The following TBC1D32 variants were observed in gnomAD, a reference collection of about 807,000 sequenced individuals.
The protein encoded by TBC1D32 is protein broad-minded.
TBC1D32 carries 151 observed loss-of-function variants against 170.3 expected under a neutral mutation model. The observed-to-expected ratio is 0.89, with a 90% CI of 0.78 to 1.01. TBC1D32 has a LOEUF of 1.01. Among genes scored for constraint, TBC1D32 ranks in the 50% least tolerant of loss-of-function variants. TBC1D32 has a pLI of 0.00. For synonymous variants in TBC1D32, 498 were observed against 488.0 expected (o/e 1.02, Z -0.27); for missense variants, 1,464 against 1,457.1 (o/e 1.00, Z -0.08).
At chr6:121,201,543 C>A (rs1791562020) in intron 22 of TBC1D32, among the ~76,000 whole-genome samples, 1 of 151,346 alleles carries the variant, frequency 6.6e-6, no homozygotes, top group Admixed American at 6.6e-5. Flanking sequence ...ACAATGTTTT[C>A]TCTTTACCTT....
In TBC1D32 at chr6:121,281,524, C is replaced by T. The variant is rs754943194; in HGVS notation, c.1608+20G>A. 5.7e-6 allele frequency: 9 copies of T among 1,592,164 alleles called. No homozygotes were observed. In the African/African-American group the frequency reaches 9.5e-5, roughly 17 times the overall value. On this transcript the variant is annotated intron_variant, in intron 14 of 31. Transcript: ENST00000398212. ...TACCCAGGTAAGAGACTCTTTTTCT[C>T]CTTAGTAAATAATACGAACCTCATT... is the stretch of plus-strand genomic sequence containing the variant.
intron 23 of TBC1D32, among the ~76,000 whole-genome samples, chr6:121,160,448 C>T (rs1583024200): frequency 6.8e-6 from 1 of 147,834 alleles, no homozygotes; most frequent in South Asian, 2.1e-4. Flanking sequence ...AACTTTTTCT[C>T]GTGCTGTCAG....
rs1794717699 is a variant in TBC1D32 at position 121,223,275 on chromosome 6, T to C, written c.2442A>G (p.Lys814=). Residue 814 remains lysine, a synonymous_variant, in exon 21 of 32, where the codon AAA becomes AAG. Coordinates refer to ENST00000398212, the MANE Select transcript of TBC1D32 (RefSeq NM_152730.6). Reference sequence around the variant, plus strand: ...GGACTTCACGAAGAGAATATTCTGTTTTATTAGGAAGATCTTGATTCCTTA... The same window carrying C: ...GGACTTCACGAAGAGAATATTCTGTCTTATTAGGAAGATCTTGATTCCTTA... ...ELVRNQDLPN[K]TEYSLREVPT... The C allele has an allele frequency of 6.3e-7, 1 of 1,591,056 alleles. No individual in the cohort carries two copies. The highest frequency in any genetic ancestry group is 1.4e-5 in the African/African-American group (1 of 73,334).
At chr6:121,275,022 T>G (rs896496118) in intron 15 of TBC1D32, among the ~76,000 whole-genome samples, 5 of 152,064 alleles carry the variant, frequency 3.3e-5, no homozygotes, top group African/African-American at 1.2e-4. Context: ...AATAGAAAAG[T>G]AACAAAAGAA....
chr6:121,161,706 T>C (rs1328726280), intron 22 of TBC1D32, among the ~76,000 whole-genome samples: 1 of 152,216 alleles, frequency 6.6e-6, no homozygotes, highest in Non-Finnish European at 1.5e-5. Context: ...TACCCAGTAA[T>C]GGGATTGCTG....
At chr6:121,242,710 T>C (rs1797136184) in intron 17 of TBC1D32, among the ~76,000 whole-genome samples, 2 of 152,100 alleles carry the variant, frequency 1.3e-5, no homozygotes, top group Non-Finnish European at 2.9e-5. Context: ...TGTACTTTCT[T>C]TTCATTATAA....
At chr6:121,224,401 A>C (rs1442006010) in intron 20 of TBC1D32, 5 of 152,094 alleles carry the variant, frequency 3.3e-5, no homozygotes, top group African/African-American at 1.2e-4. Context: ...TTTTCTAAAA[A>C]TTTTCACTAG....
intron 14 of TBC1D32, among the ~76,000 whole-genome samples, chr6:121,280,338 G>A (rs1188236103): frequency 1.3e-5 from 2 of 151,648 alleles, no homozygotes; most frequent in Non-Finnish European, 3.0e-5. Flanking sequence ...CAATAAACAC[G>A]TATTATTCAC....
chr6:121,142,617 C>G (rs1036408322), intron 24 of TBC1D32, among the ~76,000 whole-genome samples: 5 of 152,132 alleles, frequency 3.3e-5, no homozygotes, highest in African/African-American at 1.2e-4. Flanking sequence ...AACATCTCAT[C>G]TTCTTGAGAT....
At chr6:121,327,034 T>C (rs1013156842) in intron 1 of TBC1D32, among the ~76,000 whole-genome samples, 2 of 152,118 alleles carry the variant, frequency 1.3e-5, no homozygotes, top group African/African-American at 4.8e-5. Context: ...CCCCATAAAA[T>C]ACTAAATGAA....
chr6:121,312,335 A>G (rs1208813813), intron 3 of TBC1D32, among the ~76,000 whole-genome samples: 4 of 152,224 alleles, frequency 2.6e-5, no homozygotes, highest in Admixed American at 6.5e-5. Flanking sequence ...CATTCTGCAC[A>G]TGTATCCCAG....
chr6:121,321,841 A>T, intron 1 of TBC1D32, 47 bp from the exon 2 acceptor site: 1 of 1,493,862 alleles, frequency 6.7e-7, no homozygotes, highest in African/African-American at 1.4e-5. Flanking sequence ...TCATAAGCAT[A>T]TTCAGAAAAA....
At chr6:121,300,211 A>C (rs972843670) in intron 9 of TBC1D32, among the ~76,000 whole-genome samples, 33 of 152,116 alleles carry the variant, frequency 2.2e-4, no homozygotes, top group Admixed American at 1.7e-3. Context: ...TGAGAGGATG[A>C]GGCGGGCAAA....
At chr6:121,250,196 A>C (rs931706849) in intron 17 of TBC1D32, among the ~76,000 whole-genome samples, 2 of 152,154 alleles carry the variant, frequency 1.3e-5, no homozygotes, top group African/African-American at 4.8e-5. Flanking sequence ...GCAATATTCC[A>C]AACAATAGAA....
chr6:121,241,785 AATTT>A (rs1294019645), intron 18 of TBC1D32, among the ~76,000 whole-genome samples: 2 of 152,168 alleles, frequency 1.3e-5, no homozygotes, highest in Non-Finnish European at 2.9e-5. Flanking sequence ...TTATATTGTA[AATTT>A]ATTTAATAGT....
intron 22 of TBC1D32, among the ~76,000 whole-genome samples, chr6:121,179,199 TACAC>T (rs1440166149): frequency 6.6e-6 from 1 of 151,548 alleles, no homozygotes; most frequent in African/African-American, 2.4e-5. Context: ...TACATATATA[TACAC>T]ACACACACTA....
chr6:121,123,418 T>A (rs1780484729), intron 26 of TBC1D32, among the ~76,000 whole-genome samples: 2 of 152,050 alleles, frequency 1.3e-5, no homozygotes, highest in African/African-American at 2.4e-5. Flanking sequence ...GGTGCTCCAG[T>A]GTTAGGTGCA....
intron 22 of TBC1D32, chr6:121,170,608 A>G (rs1786840320): frequency 6.2e-6 from 6 of 969,554 alleles, no homozygotes; most frequent in Non-Finnish European, 8.4e-6. Flanking sequence ...TCTCAAAGTA[A>G]TACCTGTACA....
At chr6:121,302,049 T>C (rs1563312261) in intron 9 of TBC1D32, among the ~76,000 whole-genome samples, 1 of 152,208 alleles carries the variant, frequency 6.6e-6, no homozygotes, top group Non-Finnish European at 1.5e-5. Context: ...TTAATCCTTT[T>C]TCCAACTTAA....
Sources: gnomAD v4.1 joint callset for allele counts (sites outside exome capture counted in the v4.1 genomes callset) on GRCh38, gnomAD v4.1.1 for gene constraint, MANE v1.5 for transcripts, NCBI Gene and HGNC (gene_info 2026-07-23, HGNC 2026-07-21) for gene names.